EHHADH: variants seen among roughly 807,000 people sequenced by gnomAD.
EHHADH encodes enoyl-CoA hydratase and 3-hydroxyacyl CoA dehydrogenase.
EHHADH carries 48 observed loss-of-function variants against 64.4 expected under a neutral mutation model. That is an observed-to-expected ratio of 0.75 (90% CI 0.59 to 0.95). The LOEUF is 0.95. Among genes scored for constraint, EHHADH ranks in the 40% least tolerant of loss-of-function variants. EHHADH has a pLI of 0.00. For missense variants in EHHADH, 854 were observed against 876.6 expected (o/e 0.97, Z 0.33); for synonymous variants, 308 against 326.7 (o/e 0.94, Z 0.62).
At chr3:185,241,884 T>C (rs1361503118) in intron 2 of EHHADH, among the ~76,000 whole-genome samples, 1 of 152,222 alleles carries the variant, frequency 6.6e-6, no homozygotes, top group East Asian at 1.9e-4. Context: ...AGCCAATGTC[T>C]AGAAGGGTTT....
In EHHADH at chr3:185,193,020, T is replaced by C; in HGVS notation, c.1378A>G (p.Met460Val). 7 of 1,614,240 alleles carry C rather than the reference T, an allele frequency of 4.3e-6. No homozygotes were observed. Among genetic ancestry groups the C allele is most frequent in the Non-Finnish European group, 5.9e-6 (7 of 1,180,036 alleles). Reference sequence around the variant, plus strand: ...TTTTTAATCTTTTTTGATAAGTTCATAACAGTGGCAATGGTAGTGGGGGAA... The same window carrying C: ...TTTTTAATCTTTTTTGATAAGTTCACAACAGTGGCAATGGTAGTGGGGGAA... ...YSSPTTIATV[M>V]NLSKKIKKIG... The change falls in exon 7 of 7, where the codon ATG becomes GTG. Residue 460 changes from methionine (M) to valine (V), a missense_variant. Physicochemically the swap from Met to Val is conservative, Grantham distance 21. Transcript: ENST00000231887.
In EHHADH at chr3:185,253,964, G is replaced by T. The variant is rs768105590; in HGVS notation, c.59C>A (p.Pro20Gln). 3.7e-6 allele frequency: 6 copies of T among 1,613,896 alleles called. No individual in the cohort carries two copies. The East Asian group carries it at 1.3e-4, about 36-fold the overall frequency. The change falls in exon 1 of 7, where the codon CCG becomes CAG. Residue 20 changes from proline to glutamine, a missense_variant. Coordinates refer to ENST00000231887, the MANE Select transcript of EHHADH (RefSeq NM_001966.4). ...AGCCCGTTACCTGATCGCGTTGACCGGCGGGTTTCGGAGGCGGATTAGCGC... is the reference window on the plus strand; with the variant it reads ...AGCCCGTTACCTGATCGCGTTGACCTGCGGGTTTCGGAGGCGGATTAGCGC... ...ALALIRLRNP[P>Q]VNAISTTLLR...
intron 4 of EHHADH, among the ~76,000 whole-genome samples, chr3:185,218,579 T>C (rs1718754318): frequency 6.6e-6 from 1 of 152,212 alleles, no homozygotes; most frequent in Admixed American, 6.5e-5. Flanking sequence ...TTATATTCTA[T>C]AAATCTCTAT....
chr3:185,199,417 T>C (rs1041762702), intron 6 of EHHADH, among the ~76,000 whole-genome samples: 19 of 152,124 alleles, frequency 1.2e-4, no homozygotes, highest in Admixed American at 9.8e-4. Flanking sequence ...GGTTCTTGGA[T>C]TGGCTCCTAA....
At chr3:185,223,510 G>C (rs780045657) in intron 4 of EHHADH, among the ~76,000 whole-genome samples, 1 of 150,744 alleles carries the variant, frequency 6.6e-6, no homozygotes, top group Non-Finnish European at 1.5e-5. Context: ...AAGAATTTTT[G>C]TGTGTCTTTC....
intron 1 of EHHADH, among the ~76,000 whole-genome samples, chr3:185,249,221 C>T (rs1457634399): frequency 6.6e-6 from 1 of 152,090 alleles, no homozygotes; most frequent in African/African-American, 2.4e-5. Flanking sequence ...CTCTGCCTCC[C>T]GGGTTCACGC....
At chr3:185,243,487 G>T (rs951368489) in intron 2 of EHHADH, among the ~76,000 whole-genome samples, 4 of 151,976 alleles carry the variant, frequency 2.6e-5, no homozygotes, top group East Asian at 1.9e-4. Flanking sequence ...TCTGGGTTTG[G>T]TTTTTTTCTT....
chr3:185,213,880 CAA>C (rs58869131), intron 5 of EHHADH, among the ~76,000 whole-genome samples: 162 of 70,832 alleles, frequency 2.3e-3, no homozygotes, highest in Admixed American at 8.8e-3. Context: ...AACTCCGTCT[CAA>C]AAAAAAAAAA....
At chr3:185,213,030 G>A (rs925856982) in intron 5 of EHHADH, among the ~76,000 whole-genome samples, 4 of 139,948 alleles carry the variant, frequency 2.9e-5, no homozygotes, top group Non-Finnish European at 6.1e-5. Context: ...TGAGGCAGGA[G>A]AATTGCTTGA....
chr3:185,248,125 T>C (rs751585094), intron 2 of EHHADH: 2 of 276,040 alleles, frequency 7.2e-6, no homozygotes, highest in Non-Finnish European at 1.3e-5. Context: ...AGCCCACATA[T>C]GGTGGAGATA....
At chr3:185,204,085 A>G (rs1233741798) in intron 6 of EHHADH, among the ~76,000 whole-genome samples, 2 of 140,868 alleles carry the variant, frequency 1.4e-5, no homozygotes, top group African/African-American at 2.6e-5. Context: ...GTGAACCGAG[A>G]TTGAGCCACT....
At chr3:185,243,268 T>C (rs1719505787) in intron 2 of EHHADH, among the ~76,000 whole-genome samples, 1 of 152,208 alleles carries the variant, frequency 6.6e-6, no homozygotes, top group African/African-American at 2.4e-5. Context: ...CTGTGGGTCC[T>C]CTTGGGATTC....
At chr3:185,234,014 A>C (rs995780885) in intron 3 of EHHADH, among the ~76,000 whole-genome samples, 4 of 152,230 alleles carry the variant, frequency 2.6e-5, no homozygotes, top group Non-Finnish European at 5.9e-5. Flanking sequence ...ATACAAAAAA[A>C]GACTAGAATG....
At position 185,191,560 on chromosome 3, in the gene EHHADH, AT is replaced by A. The variant is rs1176893828; in HGVS notation, c.*665del. The A allele has an allele frequency of 2.0e-5, 3 of 152,236 alleles. No individual in the cohort carries two copies. Among genetic ancestry groups the A allele is most frequent in the African/African-American group, 7.2e-5 (3 of 41,466 alleles). The allele number at this position is 152,236 out of a possible 1,614,324, so 9.4% of individuals were successfully genotyped here. ...ATATGTAACATCACAGAGGCTTGTC[AT>A]GACAGGAAAACTGGTGTCATTACTC... On this transcript the variant is annotated 3_prime_UTR_variant, in exon 7 of 7. Transcript: ENST00000231887.
intron 6 of EHHADH, among the ~76,000 whole-genome samples, chr3:185,195,838 T>C (rs1169407023): frequency 2.0e-5 from 3 of 152,152 alleles, no homozygotes; most frequent in African/African-American, 4.8e-5. Context: ...TGTTCACTAC[T>C]TGAGTGAACA....
At chr3:185,252,052 C>T (rs1038266652) in intron 1 of EHHADH, among the ~76,000 whole-genome samples, 1 of 152,082 alleles carries the variant, frequency 6.6e-6, no homozygotes, top group Non-Finnish European at 1.5e-5. Context: ...ATGGGGGTGG[C>T]ACAGGTGGTT....
At chr3:185,252,404 A>C (rs1719775001) in intron 1 of EHHADH, among the ~76,000 whole-genome samples, 1 of 151,858 alleles carries the variant, frequency 6.6e-6, no homozygotes, top group African/African-American at 2.4e-5. Context: ...GTCTCAAAAC[A>C]AGCAAATGAG....
chr3:185,214,583 G>A (rs2108635511), intron 5 of EHHADH, among the ~76,000 whole-genome samples: 1 of 152,246 alleles, frequency 6.6e-6, no homozygotes, highest in East Asian at 1.9e-4. Context: ...TACCACCCAA[G>A]TACAACCACT....
chr3:185,232,512 G>A (rs374945894), intron 3 of EHHADH, among the ~76,000 whole-genome samples: 1 of 152,076 alleles, frequency 6.6e-6, no homozygotes, highest in South Asian at 2.1e-4. Flanking sequence ...GCAATGGTGC[G>A]ATCTCGGCTC....
Sources: allele counts gnomAD v4.1 joint callset (sites outside exome capture counted in the v4.1 genomes callset), GRCh38; gene constraint gnomAD v4.1.1; transcripts MANE v1.5; gene names NCBI Gene and HGNC (gene_info 2026-07-23, HGNC 2026-07-21).